The following STXBP5 variants were observed in gnomAD, a reference collection of about 807,000 sequenced individuals.
The protein encoded by STXBP5 is syntaxin binding protein 5.
STXBP5 carries 50 observed loss-of-function variants against 152.4 expected under a neutral mutation model. That is an observed-to-expected ratio of 0.33 (90% confidence interval 0.26 to 0.42). The LOEUF (loss-of-function observed/expected upper bound fraction) is 0.42. Ranked by LOEUF, STXBP5 falls within the 10% of genes least tolerant of loss-of-function variation. The pLI is 1.00. For missense variants in STXBP5, 1,167 were observed against 1,388.6 expected, an observed-to-expected ratio of 0.84 and a Z score of 2.54; for synonymous variants, 492 against 494.7, an observed-to-expected ratio of 0.99 and a Z score of 0.07.
chr6:147,333,067 T>C (rs893189910), intron 18 of STXBP5, among the ~76,000 whole-genome samples: 1 of 152,204 alleles, frequency 6.6e-6, no homozygotes, highest in Non-Finnish European at 1.5e-5. Context: ...CACTACTGTT[T>C]AGAGATCCTC....
At chr6:147,257,914 T>TA (rs1466254880) in intron 4 of STXBP5, among the ~76,000 whole-genome samples, 4 of 152,178 alleles carry the variant, frequency 2.6e-5, no homozygotes, top group Non-Finnish European at 5.9e-5. Context: ...TGAAGTCACT[T>TA]ACACAACTGT....
chr6:147,252,143 A>C (rs1309803572), intron 4 of STXBP5, among the ~76,000 whole-genome samples: 1 of 152,214 alleles, frequency 6.6e-6, no homozygotes, highest in African/African-American at 2.4e-5. Context: ...AAAAAGGCTG[A>C]AAATTCAAAA....
intron 4 of STXBP5, among the ~76,000 whole-genome samples, chr6:147,259,819 CAA>C (rs1204999991): frequency 6.7e-6 from 1 of 149,056 alleles, no homozygotes; most frequent in Non-Finnish European, 1.5e-5. Context: ...ATGAAAAGGA[CAA>C]GAGAAAAAAA....
intron 21 of STXBP5, among the ~76,000 whole-genome samples, chr6:147,351,537 T>G (rs1438215987): frequency 6.6e-6 from 1 of 152,188 alleles, no homozygotes; most frequent in Non-Finnish European, 1.5e-5. Context: ...TACAATATTT[T>G]CTAATTTTAA....
intron 4 of STXBP5, among the ~76,000 whole-genome samples, chr6:147,246,263 TC>T (rs1455068483): frequency 1.3e-5 from 2 of 152,216 alleles, no homozygotes; most frequent in Non-Finnish European, 2.9e-5. Context: ...TCTCTTCTAG[TC>T]TTTTTTCATC....
intron 18 of STXBP5, among the ~76,000 whole-genome samples, chr6:147,333,456 G>A (rs532605367): frequency 2.6e-5 from 4 of 152,246 alleles, no homozygotes; most frequent in East Asian, 3.9e-4. Flanking sequence ...CCCAGGATGC[G>A]CAGGTTGCGG....
At chr6:147,358,582 A>G (rs934010911) in intron 22 of STXBP5, among the ~76,000 whole-genome samples, 1 of 151,966 alleles carries the variant, frequency 6.6e-6, no homozygotes, top group Non-Finnish European at 1.5e-5. Flanking sequence ...TCCTCTGCAT[A>G]TAATTTTTGA....
chr6:147,250,735 T>C (rs953012136), intron 4 of STXBP5, among the ~76,000 whole-genome samples: 3 of 152,126 alleles, frequency 2.0e-5, no homozygotes, highest in South Asian at 2.1e-4. Context: ...TATTGTTGGA[T>C]GTATCATGAC....
At chr6:147,373,665 A>T (rs1208014120) in intron 25 of STXBP5, 66 bp from the exon 26 acceptor site, 1 of 1,142,726 alleles carries the variant, frequency 8.8e-7, no homozygotes, top group African/African-American at 1.5e-5. Context: ...TTACAGTGAT[A>T]CTTTTGTTCA....
chr6:147,297,415 T>C (rs993584750), intron 9 of STXBP5, among the ~76,000 whole-genome samples: 3 of 152,280 alleles, frequency 2.0e-5, no homozygotes, highest in Non-Finnish European at 1.5e-5. Context: ...GCTGAGATAA[T>C]TCATCACCAC....
At chr6:147,324,264 G>GTTTTTTTTTT (rs1179573055) in intron 16 of STXBP5, among the ~76,000 whole-genome samples, 19 of 57,948 alleles carry the variant, frequency 3.3e-4, no homozygotes, top group South Asian at 1.6e-3. Context: ...TTTTTTTTTG[G>GTTTTTTTTTT]TTTTTTTTTT....
Position 147,262,935 on chromosome 6 carries a change from ATTTCAAACCAGTC to A in STXBP5, c.630+588_630+600del, listed in dbSNP as rs1779711736. On this transcript the variant is annotated intron_variant, in intron 6 of 27. Coordinates refer to ENST00000321680, the MANE Select transcript of STXBP5 (RefSeq NM_001127715.4). ...ATTTTTGGATGAATTTTTATTTTCT[ATTTCAAACCAGTC>A]TTTCAGATAGTTCTATTTAATAATG... 3.3e-5 allele frequency among the ~76,000 whole-genome samples: 5 copies of A among 151,896 alleles called. No homozygotes were observed. The South Asian group carries it at 1.0e-3, about 31-fold the overall frequency.
intron 4 of STXBP5, among the ~76,000 whole-genome samples, chr6:147,258,499 T>A (rs1255070751): frequency 6.6e-6 from 1 of 152,154 alleles, no homozygotes; most frequent in African/African-American, 2.4e-5. Flanking sequence ...AGTGAGTGGA[T>A]CTCGGCTCAC....
intron 23 of STXBP5, among the ~76,000 whole-genome samples, 185 bp downstream of exon 23, chr6:147,359,508 G>A (rs939163652): frequency 2.0e-5 from 3 of 151,820 alleles, no homozygotes; most frequent in Non-Finnish European, 4.4e-5. Flanking sequence ...TGTGCACAAT[G>A]TGCAGGTTAG....
In STXBP5 at chr6:147,315,760, T is replaced by C. The variant is rs982366508; in HGVS notation, c.1623+25T>C. On this transcript the variant is annotated intron_variant, in intron 15 of 27. Transcript: ENST00000321680. ...GGTAATAACGTCTTAGTTATTTTCATGGTCAAGTTATTTTCATCCACATTT... is the reference window on the plus strand; with the variant it reads ...GGTAATAACGTCTTAGTTATTTTCACGGTCAAGTTATTTTCATCCACATTT... The C allele has an allele frequency of 2.5e-6, 4 of 1,587,130 alleles. No individual in the cohort carries two copies. In the African/African-American group the frequency reaches 4.0e-5, roughly 16 times the overall value.
At chr6:147,310,563 G>GATTT (rs1426053395) in intron 10 of STXBP5, among the ~76,000 whole-genome samples, 2 of 140,120 alleles carry the variant, frequency 1.4e-5, no homozygotes, top group African/African-American at 5.2e-5. Flanking sequence ...TTGATTGATT[G>GATTT]ATTTTAAGAA....
At chr6:147,297,851 C>CA (rs1227303929) in intron 9 of STXBP5, among the ~76,000 whole-genome samples, 2 of 151,494 alleles carry the variant, frequency 1.3e-5, no homozygotes, top group Admixed American at 6.6e-5. Flanking sequence ...AGAAATAAAT[C>CA]ACAGCAGATG....
rs928939966 is a variant in STXBP5 at position 147,386,315 on chromosome 6, G to A, written c.*1560G>A. ...CAGAGCACAAATTGATAGTAAACAGGATGGTTGTTTTTCTATTCTATATGA... is the reference window on the plus strand; with the variant it reads ...CAGAGCACAAATTGATAGTAAACAGAATGGTTGTTTTTCTATTCTATATGA... On this transcript the variant is annotated 3_prime_UTR_variant, in exon 28 of 28. Transcript: ENST00000321680. 4.6e-5 allele frequency: 7 copies of A among 151,660 alleles called. No homozygotes were observed. The highest frequency in any genetic ancestry group is 1.7e-4 in the African/African-American group (7 of 41,342). 9.4% of individuals were successfully genotyped at this position (151,660 alleles called of 1,614,324 possible).
At chr6:147,260,874 T>C in intron 5 of STXBP5, 125 bp downstream of exon 5, 2 of 1,203,378 alleles carry the variant, frequency 1.7e-6, no homozygotes, top group Non-Finnish European at 2.3e-6. Context: ...TAATATTAAG[T>C]ACAGATTTAT....
Sources: gnomAD v4.1 joint callset for allele counts (sites outside exome capture counted in the v4.1 genomes callset) on GRCh38, gnomAD v4.1.1 for gene constraint, MANE v1.5 for transcripts, NCBI Gene and HGNC (gene_info 2026-07-23, HGNC 2026-07-21) for gene names.